ACVR1: variants seen among roughly 807,000 people sequenced by gnomAD.
The protein encoded by ACVR1 is activin A receptor type 1, also known as activin receptor type-1.
In ACVR1, 38 loss-of-function variants were observed where a neutral mutation model predicts 57.1. That is an observed-to-expected ratio of 0.67 (90% confidence interval 0.51 to 0.87). The LOEUF (loss-of-function observed/expected upper bound fraction) is 0.87, where lower values mean the gene tolerates loss of function less well. Among genes scored for constraint, ACVR1 ranks in the 40% least tolerant of loss-of-function variants. ACVR1 has a pLI of 0.00. For missense variants in ACVR1, 463 were observed against 638.2 expected, an observed-to-expected ratio of 0.73 and a Z score of 2.96; for synonymous variants, 212 against 228.1, an observed-to-expected ratio of 0.93 and a Z score of 0.63.
intron 3 of ACVR1, among the ~76,000 whole-genome samples, chr2:157,782,114 G>T (rs1226888558): frequency 6.6e-6 from 1 of 152,214 alleles, no homozygotes; most frequent in Non-Finnish European, 1.5e-5. Context: ...TTGTGTGGGT[G>T]TGTGTAGAGA....
chr2:157,856,390 T>C (rs1231830004), intron 1 of ACVR1, among the ~76,000 whole-genome samples: 1 of 152,234 alleles, frequency 6.6e-6, no homozygotes, highest in Admixed American at 6.5e-5. Flanking sequence ...CAGTTCTGTA[T>C]TCTCTTTCAT....
In ACVR1 at chr2:157,770,279, G is replaced by A. The variant is rs1006015512; in HGVS notation, c.790+89C>T. ...ATATTGCTTTTTAGGAGACACTCTC[G>A]AATTCACATTCACCAAAACGGAGAG... On this transcript the variant is annotated intron_variant, in intron 7 of 10. Coordinates refer to ENST00000434821, the MANE Select transcript of ACVR1 (RefSeq NM_001111067.4). The A allele has an allele frequency of 6.1e-6, 9 of 1,473,776 alleles. No homozygotes were observed. The East Asian group carries it at 6.8e-5, about 11-fold the overall frequency. 91.3% of individuals were successfully genotyped at this position (1,473,776 alleles called of 1,614,324 possible). A position where few individuals can be genotyped will look rare whatever the true frequency, so the allele number is the denominator to read the frequency against.
chr2:157,740,311 C>T (rs1187420827), intron 9 of ACVR1, among the ~76,000 whole-genome samples: 3 of 152,100 alleles, frequency 2.0e-5, no homozygotes, highest in Non-Finnish European at 4.4e-5. Context: ...TGGGTATAAA[C>T]TGCTACTCTC....
At chr2:157,795,718 TTAAG>T (rs1422563492) in intron 3 of ACVR1, among the ~76,000 whole-genome samples, 4 of 152,100 alleles carry the variant, frequency 2.6e-5, no homozygotes, top group Non-Finnish European at 5.9e-5. Flanking sequence ...TTATTTCAGC[TTAAG>T]AGCTGAAAGC....
At chr2:157,829,941 G>A (rs549269161) in intron 1 of ACVR1, among the ~76,000 whole-genome samples, 4 of 152,290 alleles carry the variant, frequency 2.6e-5, no homozygotes, top group Admixed American at 1.3e-4. Flanking sequence ...GAGGCTGGGC[G>A]CAGTGGCTCA....
chr2:157,854,341 C>A (rs1020692759), intron 1 of ACVR1, among the ~76,000 whole-genome samples: 1 of 152,020 alleles, frequency 6.6e-6, no homozygotes, highest in Non-Finnish European at 1.5e-5. Context: ...TGGAACACAA[C>A]ATAAAAACAT....
chr2:157,755,553 C>G (rs1048875050), intron 9 of ACVR1, among the ~76,000 whole-genome samples: 3 of 151,600 alleles, frequency 2.0e-5, no homozygotes, highest in Admixed American at 6.6e-5. Flanking sequence ...CATACCATAC[C>G]ATACCATACC....
chr2:157,772,856 G>T (rs184333841), intron 6 of ACVR1, among the ~76,000 whole-genome samples: 2 of 152,170 alleles, frequency 1.3e-5, no homozygotes, highest in African/African-American at 4.8e-5. Context: ...GACAATAGCC[G>T]TAGACCTAGA....
chr2:157,858,537 C>T (rs1268921316), intron 1 of ACVR1, among the ~76,000 whole-genome samples: 1 of 152,116 alleles, frequency 6.6e-6, no homozygotes, highest in African/African-American at 2.4e-5. Context: ...AGTGGCGCAA[C>T]CTTGGCTCAC....
At chr2:157,793,209 A>C (rs1455475032) in intron 3 of ACVR1, among the ~76,000 whole-genome samples, 1 of 152,218 alleles carries the variant, frequency 6.6e-6, no homozygotes, top group Non-Finnish European at 1.5e-5. Flanking sequence ...TGCACTGCAC[A>C]CTGTTGACCA....
intron 1 of ACVR1, among the ~76,000 whole-genome samples, chr2:157,853,331 G>T (rs1689390460): frequency 6.6e-6 from 1 of 151,524 alleles, no homozygotes. Context: ...TGGCTAACAG[G>T]GGCAGCCTTC....
chr2:157,772,366 A>C (rs144469333), intron 6 of ACVR1, among the ~76,000 whole-genome samples: 315 of 152,330 alleles, frequency 2.1e-3, no homozygotes, highest in Non-Finnish European at 3.6e-3. Context: ...AAAATAACAT[A>C]CCATCCATGC....
intron 7 of ACVR1, among the ~76,000 whole-genome samples, chr2:157,767,397 T>G (rs999346362): frequency 6.6e-6 from 1 of 152,120 alleles, no homozygotes; most frequent in Non-Finnish European, 1.5e-5. Flanking sequence ...GTCTGGAAGT[T>G]AGGGGCACTT....
chr2:157,873,687 T>C (rs1397630441), intron 1 of ACVR1, among the ~76,000 whole-genome samples: 1 of 152,158 alleles, frequency 6.6e-6, no homozygotes, highest in Non-Finnish European at 1.5e-5. Context: ...GCCTGAGAAT[T>C]ACCTAGAAGC....
At chr2:157,774,312 G>A (rs1686189568) in intron 5 of ACVR1, 125 bp from the exon 6 acceptor site, 1 of 756,192 alleles carries the variant, frequency 1.3e-6, no homozygotes, top group Middle Eastern at 2.3e-4. Flanking sequence ...GCCTGTTAGT[G>A]TACATGTAAA....
chr2:157,841,818 TC>T (rs1688986351), intron 1 of ACVR1, among the ~76,000 whole-genome samples: 1 of 151,872 alleles, frequency 6.6e-6, no homozygotes. Context: ...GGTCAGGAGA[TC>T]GAGATCATCC....
At chr2:157,806,433 A>C (rs1325956871) in intron 2 of ACVR1, among the ~76,000 whole-genome samples, 2 of 152,194 alleles carry the variant, frequency 1.3e-5, no homozygotes, top group Non-Finnish European at 2.9e-5. Context: ...CTCACCCCTC[A>C]AAATAAAAAC....
chr2:157,834,500 T>C (rs546503105), intron 1 of ACVR1, among the ~76,000 whole-genome samples: 11 of 152,034 alleles, frequency 7.2e-5, no homozygotes, highest in Non-Finnish European at 1.6e-4. Context: ...TCTCTAGAGG[T>C]AGATGCGTAG....
chr2:157,814,231 T>C (rs1408370048), intron 2 of ACVR1, among the ~76,000 whole-genome samples: 2 of 152,196 alleles, frequency 1.3e-5, no homozygotes, highest in Non-Finnish European at 2.9e-5. Flanking sequence ...AAATAGCACA[T>C]ATCACAAGGA....
Sources: gnomAD v4.1 joint callset for allele counts (sites outside exome capture counted in the v4.1 genomes callset) on GRCh38, gnomAD v4.1.1 for gene constraint, MANE v1.5 for transcripts, NCBI Gene and HGNC (gene_info 2026-07-23, HGNC 2026-07-21) for gene names.